The following RIMKLB variants were observed in gnomAD, a reference collection of about 807,000 sequenced individuals.
RIMKLB encodes beta-citrylglutamate synthase B.
Under a neutral mutation model 32.0 loss-of-function variants are expected in RIMKLB, and 7 were observed. That is an observed-to-expected ratio of 0.22 (90% CI 0.12 to 0.41). RIMKLB has a LOEUF of 0.41. Ranked by LOEUF, RIMKLB falls within the 10% of genes least tolerant of loss-of-function variation. The probability of loss-of-function intolerance (pLI) is 1.00; values close to 1 mark genes in which losing one functional copy is unlikely to be tolerated. For synonymous variants in RIMKLB, 172 were observed against 185.1 expected (o/e 0.93, Z 0.57); for missense variants, 289 against 498.7 (o/e 0.58, Z 4.00).
At position 8,773,401 on chromosome 12, in the gene RIMKLB, G is replaced by A; in HGVS notation, c.778G>A (p.Val260Met). The A allele has an allele frequency of 6.2e-7, 1 of 1,614,160 alleles. No individual in the cohort carries two copies. Among genetic ancestry groups the A allele is most frequent in the Non-Finnish European group, 8.5e-7 (1 of 1,179,958 alleles). ...IQVSNILGMD[V>M]CGIDLLMKDD... ...GGTGTCTAATATCCTGGGGATGGAT[G>A]TGTGTGGCATTGATCTGCTGATGAA... The change falls in exon 6 of 6, where the codon GTG becomes ATG. Residue 260 changes from valine to methionine, a missense_variant. Physicochemically the swap from Val to Met is conservative, Grantham distance 21. Around this residue, in one of 3 missense-constraint regions of RIMKLB, gnomAD observed 156 missense variants for 329.5 expected, o/e 0.47. Transcript: ENST00000535829.
At chr12:8,713,011 A>G (rs745333303) in intron 1 of RIMKLB, among the ~76,000 whole-genome samples, 15 of 152,276 alleles carry the variant, frequency 9.9e-5, no homozygotes, top group African/African-American at 2.6e-4. Context: ...TGCATTGTTC[A>G]TGATACAAAC....
the RIMKLB span, among the ~76,000 whole-genome samples, chr12:8,676,348 A>G: frequency 8.2e-6 from 1 of 122,266 alleles, no homozygotes; most frequent in African/African-American, 3.1e-5. Flanking sequence ...TACTAGGATT[A>G]TAGGAGTGAG....
intron 5 of RIMKLB, among the ~76,000 whole-genome samples, chr12:8,761,515 C>T (rs115619742): frequency 0.025 from 3,728 of 152,070 alleles, 144 homozygotes; most frequent in African/African-American, 0.084. Flanking sequence ...GTTTATATAC[C>T]GATCATTGCC....
At chr12:8,740,898 C>T (rs1405887223) in intron 2 of RIMKLB, among the ~76,000 whole-genome samples, 1 of 152,048 alleles carries the variant, frequency 6.6e-6, no homozygotes, top group African/African-American at 2.4e-5. Context: ...CATGGTGAAA[C>T]CCCATCCCCT....
At chr12:8,779,182 T>A (rs1950900348), downstream of RIMKLB, 1 of 152,252 alleles carries the variant, frequency 6.6e-6, no homozygotes, top group African/African-American at 2.4e-5. Context: ...GTATAAGGCA[T>A]GGAGAGTTAA....
In RIMKLB at chr12:8,774,685, C is replaced by A; in HGVS notation, c.*901C>A. The A allele has an allele frequency of 1.0e-6, 1 of 985,010 alleles. No individual in the cohort carries two copies. Among genetic ancestry groups the A allele is most frequent in the Non-Finnish European group, 1.2e-6 (1 of 829,794 alleles). The allele number at this position is 985,010 out of a possible 1,614,324, so 61.0% of individuals were successfully genotyped here. On this transcript the variant is annotated 3_prime_UTR_variant, in exon 6 of 6. Coordinates refer to ENST00000535829, the MANE Select transcript of RIMKLB (RefSeq NM_001297776.2). The stretch of plus-strand genomic sequence containing the variant: ...ACCTTTTTTGTTAACAAGACACTGA[C>A]TTGAAACATGTACATTTAAAGCCTT...
chr12:8,670,614 T>C, the RIMKLB span, among the ~76,000 whole-genome samples: 9,907 of 152,210 alleles, frequency 0.065, 987 homozygotes, highest in African/African-American at 0.21. Context: ...CACAGGCTGG[T>C]GTTGAGTGTC....
chr12:8,671,763 A>G, the RIMKLB span, among the ~76,000 whole-genome samples: 1 of 152,014 alleles, frequency 6.6e-6, no homozygotes, highest in Admixed American at 6.6e-5. Context: ...AAATACAAAA[A>G]TTAGCCAGGT....
At chr12:8,697,175 A>T (rs1591612777), upstream of RIMKLB, 1 of 152,194 alleles carries the variant, frequency 6.6e-6, no homozygotes, top group Non-Finnish European at 1.5e-5. Context: ...AACTTGTCCA[A>T]GGTTTACGCC....
intron 2 of RIMKLB, among the ~76,000 whole-genome samples, chr12:8,734,191 G>A (rs768493836): frequency 6.1e-4 from 93 of 152,176 alleles, no homozygotes; most frequent in Non-Finnish European, 9.8e-4. Flanking sequence ...AAAGAAAGGA[G>A]CCTAAATCTG....
In RIMKLB at chr12:8,727,362, G is replaced by A. The variant is rs147544771; in HGVS notation, c.175+13321G>A. 2.4e-3 allele frequency among the ~76,000 whole-genome samples: 364 copies of A among 152,270 alleles called. 4 individuals are homozygous for A. The highest frequency in any genetic ancestry group is 8.3e-3 in the African/African-American group (345 of 41,564). On this transcript the variant is annotated intron_variant, in intron 2 of 5. Transcript: ENST00000535829. ...CATTTCTCTTGCCTCAGCTTCCCAA[G>A]TAGCTGGGACTACAGGCGTGTGCCA...
intron 5 of RIMKLB, among the ~76,000 whole-genome samples, chr12:8,755,102 C>T (rs1948912217): frequency 6.6e-6 from 1 of 152,126 alleles, no homozygotes; most frequent in Non-Finnish European, 1.5e-5. Context: ...CAGGCACCTG[C>T]TACCATGCCC....
chr12:8,702,703 G>A (rs761975213), intron 1 of RIMKLB, among the ~76,000 whole-genome samples: 3 of 152,170 alleles, frequency 2.0e-5, no homozygotes, highest in Admixed American at 6.5e-5. Flanking sequence ...TAGCAACCTT[G>A]GAATTCTTCC....
intron 1 of RIMKLB, among the ~76,000 whole-genome samples, chr12:8,686,703 C>CG (rs1292339870): frequency 6.6e-6 from 1 of 151,526 alleles, no homozygotes; most frequent in African/African-American, 2.4e-5. Flanking sequence ...AGGACGGTGT[C>CG]GATCTCCTGA....
chr12:8,710,965 CAAAAAA>C (rs748394546), intron 1 of RIMKLB, among the ~76,000 whole-genome samples: 14 of 65,768 alleles, frequency 2.1e-4, no homozygotes, highest in African/African-American at 7.2e-4. Context: ...ACATCTTTAC[CAAAAAA>C]AAAAAAAAAA....
At chr12:8,751,545 T>A (rs1235990109) in intron 3 of RIMKLB, among the ~76,000 whole-genome samples, 1 of 152,154 alleles carries the variant, frequency 6.6e-6, no homozygotes, top group African/African-American at 2.4e-5. Flanking sequence ...AATGTGTCAG[T>A]GTGTGCAGCA....
rs776259821 is a variant in RIMKLB at position 8,776,073 on chromosome 12, T to G, written c.*2289T>G. The stretch of plus-strand genomic sequence containing the variant: ...GACCATCTGGTTGCCATGTGTATTA[T>G]GACACATACACTTTGAATAGTTACA... On this transcript the variant is annotated 3_prime_UTR_variant, in exon 6 of 6. Transcript: ENST00000535829. 4 of 979,530 alleles carry G rather than the reference T, an allele frequency of 4.1e-6. No homozygotes were observed. The highest frequency in any genetic ancestry group is 4.9e-6 in the Non-Finnish European group (4 of 824,536). 60.7% of individuals were successfully genotyped at this position (979,530 alleles called of 1,614,324 possible).
chr12:8,756,684 C>CTTTTTTTTTTTTTTTTTTTTT (rs145312687), intron 5 of RIMKLB, among the ~76,000 whole-genome samples: 1 of 90,966 alleles, frequency 1.1e-5, no homozygotes, highest in Non-Finnish European at 2.0e-5. Context: ...TTACTTTCTA[C>CTTTTTTTTTTTTTTTTTTTTT]TTTTTTTTTT....
At chr12:8,757,538 T>C (rs1452583529) in intron 5 of RIMKLB, among the ~76,000 whole-genome samples, 1 of 151,892 alleles carries the variant, frequency 6.6e-6, no homozygotes, top group Non-Finnish European at 1.5e-5. Flanking sequence ...AGGATTCCTT[T>C]GCACCCATTA....
Sources: allele counts gnomAD v4.1 joint callset (sites outside exome capture counted in the v4.1 genomes callset), GRCh38; gene constraint gnomAD v4.1.1; regional missense constraint gnomAD v4.1.1; transcripts MANE v1.5; gene names NCBI Gene and HGNC (gene_info 2026-07-23, HGNC 2026-07-21).